ZFHX3: variants seen among roughly 807,000 people sequenced by gnomAD.
ZFHX3 encodes the protein zinc finger homeobox 3, also known as zinc finger homeobox protein 3.
Under a neutral mutation model 279.1 loss-of-function variants are expected in ZFHX3, and 42 were observed. That is an observed-to-expected ratio of 0.15 (90% CI 0.12 to 0.19). ZFHX3 has a LOEUF of 0.19. ZFHX3 is among the 10% of genes least tolerant of loss of function. The pLI is 1.00. For missense variants in ZFHX3, 4,981 were observed against 4,754.0 expected, an observed-to-expected ratio of 1.05 and a Z score of -1.40; for synonymous variants, 2,293 against 1,957.8, an observed-to-expected ratio of 1.17 and a Z score of -4.52.
rs770712026 is a variant in ZFHX3, at chr16:72,889,873, G to T, written c.3306C>A (p.Asn1102Lys). Residue 1102 changes from asparagine (N) to lysine (K), a missense_variant, in exon 4 of 10, where the codon AAC (asparagine) becomes AAA (lysine). Around this residue, in one of 7 missense-constraint regions of ZFHX3, gnomAD observed 1,751 missense variants for 1,770.0 expected, o/e 0.99. Transcript: ENST00000268489. ...TCATGGAGCGCACATGCTGGATGAG[G>T]TTGAGCTTGGCCTTGGTGGAGTAGT... ...LCNYSTKAKL[N>K]LIQHVRSMKH... is the part of the protein sequence containing the mutation. 1.9e-6 allele frequency: 3 copies of T among 1,614,094 alleles called. No individual in the cohort carries two copies. The highest frequency in any genetic ancestry group is 1.3e-5 in the African/African-American group (1 of 74,960).
At chr16:73,332,111 G>C (rs189157604) in intron 3 of ZFHX3, among the ~76,000 whole-genome samples, 1 of 152,104 alleles carries the variant, frequency 6.6e-6, no homozygotes, top group Non-Finnish European at 1.5e-5. Context: ...CTTTTTCAAG[G>C]TTCCTTCTCA....
At chr16:73,878,590 A>T in intron 1 of ZFHX3, among the ~76,000 whole-genome samples, 1 of 152,114 alleles carries the variant, frequency 6.6e-6, no homozygotes, top group Non-Finnish European at 1.5e-5. Context: ...TATTTTTTTC[A>T]TTTGATATAG....
chr16:73,414,126 T>C (rs1172523985), intron 3 of ZFHX3, among the ~76,000 whole-genome samples: 1 of 152,214 alleles, frequency 6.6e-6, no homozygotes, highest in Non-Finnish European at 1.5e-5. Context: ...AGAAACACAT[T>C]ATGAAAAATA....
upstream of ZFHX3, among the ~76,000 whole-genome samples, chr16:73,052,214 A>AT (rs564209606): frequency 1.0e-3 from 138 of 135,380 alleles, no homozygotes; most frequent in Non-Finnish European, 1.9e-3. Context: ...CAAATTGTAG[A>AT]TTTAAAAAAA....
In ZFHX3 at chr16:73,659,255, A is replaced by T. The variant is rs148977252; in HGVS notation, c.-1547+20925T>A. 5.3e-5 allele frequency among the ~76,000 whole-genome samples: 8 copies of T among 152,284 alleles called. No homozygotes were observed. In the East Asian group the frequency reaches 1.5e-3, roughly 29 times the overall value. On this transcript the variant is annotated intron_variant, in intron 2 of 17. Transcript: ENST00000641206. ...TATGACAGGCAGGGATTCACACAAC[A>T]TCTCTGCAGCCAAAAATGTACATAC...
chr16:73,722,298 G>C (rs770605806), intron 1 of ZFHX3, among the ~76,000 whole-genome samples: 3 of 152,192 alleles, frequency 2.0e-5, no homozygotes, highest in African/African-American at 4.8e-5. Flanking sequence ...ATGATGCCTT[G>C]AACATTGCTC....
At chr16:73,728,744 G>C (rs1033119835) in intron 1 of ZFHX3, among the ~76,000 whole-genome samples, 4 of 151,686 alleles carry the variant, frequency 2.6e-5, no homozygotes, top group Non-Finnish European at 5.9e-5. Context: ...GCCTCTGCTT[G>C]AAAGTTGTAG....
intron 3 of ZFHX3, among the ~76,000 whole-genome samples, chr16:73,375,774 G>C: frequency 6.6e-6 from 1 of 152,120 alleles, no homozygotes; most frequent in Non-Finnish European, 1.5e-5. Context: ...CAGGAAAACA[G>C]AAATCCAACC....
chr16:72,980,393 C>A (rs1962538016), intron 1 of ZFHX3, among the ~76,000 whole-genome samples: 1 of 152,048 alleles, frequency 6.6e-6, no homozygotes, highest in Non-Finnish European at 1.5e-5. Flanking sequence ...TTCTAACCAG[C>A]CAAATGTAAA....
intron 2 of ZFHX3, among the ~76,000 whole-genome samples, chr16:73,564,382 T>C (rs1178422299): frequency 6.6e-6 from 1 of 152,196 alleles, no homozygotes; most frequent in African/African-American, 2.4e-5. Context: ...TCCAAAATGC[T>C]AGCCCCTGCT....
intron 3 of ZFHX3, among the ~76,000 whole-genome samples, chr16:72,892,426 T>C (rs34269246): frequency 0.067 from 10,166 of 152,126 alleles, 479 homozygotes; most frequent in Middle Eastern, 0.11. Flanking sequence ...CAATGTTACC[T>C]ATTAGAAAAA....
intron 5 of ZFHX3, among the ~76,000 whole-genome samples, chr16:73,207,510 C>A (rs1249704886): frequency 6.6e-6 from 1 of 152,048 alleles, no homozygotes; most frequent in Non-Finnish European, 1.5e-5. Context: ...GCCAAAAGAA[C>A]GACAGCAGTA....
At chr16:72,831,264 A>C (rs1206256213) in intron 4 of ZFHX3, among the ~76,000 whole-genome samples, 1 of 152,204 alleles carries the variant, frequency 6.6e-6, no homozygotes, top group Non-Finnish European at 1.5e-5. Flanking sequence ...TCAAGAGATG[A>C]TGGAGGTCCA....
intron 2 of ZFHX3, among the ~76,000 whole-genome samples, chr16:73,607,306 C>T (rs1449526484): frequency 1.3e-5 from 2 of 152,178 alleles, no homozygotes; most frequent in South Asian, 2.1e-4. Context: ...GGATTACAGG[C>T]GTGAGCCACC....
chr16:73,024,665 G>A (rs1175187611), intron 1 of ZFHX3, among the ~76,000 whole-genome samples: 1 of 152,170 alleles, frequency 6.6e-6, no homozygotes, highest in African/African-American at 2.4e-5. Context: ...TGTGTCAGTC[G>A]GGTTCCGCCT....
At chr16:73,426,142 G>A (rs950675364) in intron 3 of ZFHX3, among the ~76,000 whole-genome samples, 1 of 152,160 alleles carries the variant, frequency 6.6e-6, no homozygotes, top group Admixed American at 6.5e-5. Flanking sequence ...GGACAGCCTG[G>A]TTGTGATGGC....
At chr16:73,276,854 T>C (rs887064890) in intron 4 of ZFHX3, among the ~76,000 whole-genome samples, 8 of 152,212 alleles carry the variant, frequency 5.3e-5, no homozygotes, top group Non-Finnish European at 1.2e-4. Flanking sequence ...GAGGCAAACA[T>C]TCCATCATAT....
At chr16:73,655,666 T>C (rs916684476) in intron 2 of ZFHX3, among the ~76,000 whole-genome samples, 14 of 152,208 alleles carry the variant, frequency 9.2e-5, no homozygotes, top group African/African-American at 3.4e-4. Flanking sequence ...ATGCAAGTGA[T>C]ACCATTTCCA....
chr16:73,308,644 G>C (rs937011930), intron 4 of ZFHX3, among the ~76,000 whole-genome samples: 3 of 152,046 alleles, frequency 2.0e-5, no homozygotes, highest in Non-Finnish European at 4.4e-5. Context: ...GTAGTGCTAA[G>C]CTAGGAAATG....
Sources: gnomAD v4.1 joint callset for allele counts (sites outside exome capture counted in the v4.1 genomes callset) on GRCh38, gnomAD v4.1.1 for gene constraint, gnomAD v4.1.1 regional missense constraint, MANE v1.5 for transcripts, NCBI Gene and HGNC (gene_info 2026-07-23, HGNC 2026-07-21) for gene names.